The following RNF17 variants were observed in gnomAD, a reference collection of about 807,000 sequenced individuals.
The protein encoded by RNF17 is ring finger protein 17, also known as spermatogenesis associated 23.
A neutral mutation model predicts 200.5 loss-of-function variants in RNF17; 31 were observed. That is an observed-to-expected ratio of 0.15 (90% CI 0.12 to 0.21). The LOEUF (loss-of-function observed/expected upper bound fraction) is 0.21. Ranked by LOEUF, RNF17 falls within the 10% of genes least tolerant of loss-of-function variation. RNF17 has a pLI of 1.00. For missense variants in RNF17, 1,628 were observed against 1,905.1 expected (o/e 0.85, Z 2.71); for synonymous variants, 606 against 637.8 (o/e 0.95, Z 0.75).
upstream of RNF17, chr13:24,764,091 T>C (rs1879171046): frequency 5.8e-6 from 6 of 1,038,632 alleles, no homozygotes; most frequent in African/African-American, 1.6e-5. Flanking sequence ...CGGGCTTTAA[T>C]CTCCCGGCCC....
chr13:24,862,910 C>A, intron 28 of RNF17, 117 bp downstream of exon 28: 1 of 519,910 alleles, frequency 1.9e-6, no homozygotes, highest in Non-Finnish European at 3.4e-6. Flanking sequence ...ATGTGAATTG[C>A]TTGTTAGCAT....
At position 24,789,695 on chromosome 13, in the gene RNF17, T is replaced by A. The variant is rs1450200739; in HGVS notation, c.861-3T>A. On this transcript the variant is annotated splice_polypyrimidine_tract_variant and splice_region_variant and intron_variant, in intron 8 of 35. Transcript: ENST00000255324. Reference sequence around the variant, plus strand: ...TTATGTATATGTTAATGTTTTATTATAGGTTGAGTGTGAATTGCAGTGAGA... The same window carrying A: ...TTATGTATATGTTAATGTTTTATTAAAGGTTGAGTGTGAATTGCAGTGAGA... 1 of 1,568,588 alleles carries A rather than the reference T, an allele frequency of 6.4e-7. No individual in the cohort carries two copies. Among genetic ancestry groups the A allele is most frequent in the Admixed American group, 1.7e-5 (1 of 59,712 alleles).
chr13:24,796,875 ATAGAG>A (rs1053546015), intron 11 of RNF17, among the ~76,000 whole-genome samples: 3 of 152,198 alleles, frequency 2.0e-5, no homozygotes, highest in African/African-American at 7.2e-5. Context: ...ATTTGTATTA[ATAGAG>A]TATTTTTCTC....
chr13:24,828,164 A>G (rs1483893987), intron 16 of RNF17, among the ~76,000 whole-genome samples: 1 of 152,278 alleles, frequency 6.6e-6, no homozygotes, highest in African/African-American at 2.4e-5. Context: ...AATGTTATCT[A>G]TTTGGTGAAC....
chr13:24,865,788 T>G lies in RNF17; in HGVS notation c.4102-356T>G, dbSNP rs117829247. Among the ~76,000 whole-genome samples the G allele has an allele frequency of 5.4e-3, 820 of 151,764 alleles. 21 individuals are homozygous for G. In the East Asian group the frequency reaches 0.081, roughly 15 times the overall value. ...TGTGGTTGTTGTGGGTGAGTGGGGG[T>G]GTGTGTGTGTGTAAAAGAAGTTACG... On this transcript the variant is annotated intron_variant, in intron 29 of 35. Transcript: ENST00000255324.
At chr13:24,869,772 G>T (rs1894047544) in intron 31 of RNF17, among the ~76,000 whole-genome samples, 1 of 151,316 alleles carries the variant, frequency 6.6e-6, no homozygotes, top group African/African-American at 2.5e-5. Flanking sequence ...TTTTTTGTTT[G>T]TTTGTTTTTT....
intron 30 of RNF17, among the ~76,000 whole-genome samples, chr13:24,867,571 T>A (rs747173216): frequency 1.3e-5 from 2 of 152,202 alleles, no homozygotes; most frequent in Non-Finnish European, 2.9e-5. Context: ...CAAACTTTTT[T>A]TTTGTCTACC....
At chr13:24,881,980 C>CTAGATAGATATATAGATACATCTAGA (rs367892270), downstream of RNF17, among the ~76,000 whole-genome samples, 6 of 3,382 alleles carry the variant, frequency 1.8e-3, 3 homozygotes, top group African/African-American at 2.6e-3. Context: ...ATAGATACAT[C>CTAGATAGATATATAGATACATCTAGA]TAGATATATA....
intron 25 of RNF17, among the ~76,000 whole-genome samples, chr13:24,856,246 C>T (rs1196407138): frequency 1.3e-5 from 2 of 151,656 alleles, no homozygotes; most frequent in Non-Finnish European, 2.9e-5. Flanking sequence ...GTGGTGAAAC[C>T]CCATCTCTAC....
upstream of RNF17, among the ~76,000 whole-genome samples, chr13:24,762,483 T>A (rs1388468354): frequency 6.6e-6 from 1 of 151,266 alleles, no homozygotes. Context: ...AGAGTCAACA[T>A]GTTACATGAG....
chr13:24,752,789 G>C, the RNF17 span, among the ~76,000 whole-genome samples: 1 of 152,226 alleles, frequency 6.6e-6, no homozygotes, highest in Non-Finnish European at 1.5e-5. Flanking sequence ...AGGGGTGGGG[G>C]AGCCCTGCTC....
At chr13:24,884,435 C>T (rs753604037), downstream of RNF17, 23 of 1,614,036 alleles carry the variant, frequency 1.4e-5, no homozygotes, top group Admixed American at 6.7e-5. Flanking sequence ...CAGTATAACA[C>T]GGCACCCATT....
At chr13:24,810,897 A>G (rs1310627153) in intron 15 of RNF17, among the ~76,000 whole-genome samples, 14 of 149,262 alleles carry the variant, frequency 9.4e-5, no homozygotes, top group Admixed American at 6.6e-4. Context: ...TCCTTCACTT[A>G]TGAAGCTTAG....
At chr13:24,863,922 T>C (rs1893366437) in intron 28 of RNF17, among the ~76,000 whole-genome samples, 1 of 152,154 alleles carries the variant, frequency 6.6e-6, no homozygotes, top group African/African-American at 2.4e-5. Flanking sequence ...AGAGGGCCTC[T>C]TAGGTGCTAG....
chr13:24,777,608 C>T (rs1881746853), intron 3 of RNF17, among the ~76,000 whole-genome samples: 1 of 151,990 alleles, frequency 6.6e-6, no homozygotes, highest in Non-Finnish European at 1.5e-5. Flanking sequence ...TTTTTTAATT[C>T]TCCAGACTTG....
chr13:24,851,756 A>G (rs1199825841), intron 24 of RNF17, among the ~76,000 whole-genome samples, 185 bp downstream of exon 24: 4 of 152,306 alleles, frequency 2.6e-5, no homozygotes, highest in African/African-American at 9.6e-5. Flanking sequence ...TTTTTCAGGC[A>G]TGTCAGTTCT....
chr13:24,817,065 G>A (rs1214633282), intron 15 of RNF17, among the ~76,000 whole-genome samples: 1 of 152,176 alleles, frequency 6.6e-6, no homozygotes, highest in East Asian at 1.9e-4. Flanking sequence ...AGTATTGCAA[G>A]GGATATTGAT....
chr13:24,851,490 T>C lies in RNF17; in HGVS notation c.3239T>C (p.Ile1080Thr). The C allele has an allele frequency of 6.2e-7, 1 of 1,613,630 alleles. No homozygotes were observed. The change falls in exon 24 of 36, where the codon ATT (isoleucine) becomes ACT (threonine). Residue 1080 changes from isoleucine (I) to threonine (T), a missense_variant. Around this residue, in one of 5 missense-constraint regions of RNF17, gnomAD observed 609 missense variants for 681.9 expected, o/e 0.89. Coordinates refer to ENST00000255324, the MANE Select transcript of RNF17 (RefSeq NM_031277.3). ...NNTTWPLPVK[I>T]FCRDEKGERV... ...ACAACATGGCCATTACCTGTGAAAATTTTCTGCAGAGATGAAAAAGGAGAG... is the reference window on the plus strand; with the variant it reads ...ACAACATGGCCATTACCTGTGAAAACTTTCTGCAGAGATGAAAAAGGAGAG...
chr13:24,859,052 T>G lies in RNF17; in HGVS notation c.3662T>G (p.Leu1221Arg). ...TNEIQSNLKC[L>R]GLLEPYFWKK... Reference sequence around the variant, plus strand: ...GAAATTCAAAGTAATTTAAAATGCCTTGGTCTTTTGGAGCCTTATTTCTGG... The same window carrying G: ...GAAATTCAAAGTAATTTAAAATGCCGTGGTCTTTTGGAGCCTTATTTCTGG... Residue 1221 changes from leucine (L) to arginine (R), a missense_variant, in exon 26 of 36, where the codon CTT becomes CGT. This residue lies in a region of RNF17 where 609 missense variants were observed against 681.9 expected (regional missense o/e 0.89). Transcript: ENST00000255324. The G allele has an allele frequency of 1.2e-6, 2 of 1,605,744 alleles. No homozygotes were observed. Among genetic ancestry groups the G allele is most frequent in the East Asian group, 2.2e-5 (1 of 44,800 alleles).
Sources: allele counts gnomAD v4.1 joint callset (sites outside exome capture counted in the v4.1 genomes callset), GRCh38; gene constraint gnomAD v4.1.1; regional missense constraint gnomAD v4.1.1; transcripts MANE v1.5; gene names NCBI Gene and HGNC (gene_info 2026-07-23, HGNC 2026-07-21).